RGS5: variants seen among roughly 807,000 people sequenced by gnomAD.
RGS5 encodes regulator of G protein signaling 5.
A neutral mutation model predicts 18.9 loss-of-function variants in RGS5; 20 were observed. The ratio of observed to expected loss-of-function variants is 1.06; its 90% CI spans 0.74 to 1.54. The LOEUF (loss-of-function observed/expected upper bound fraction) is 1.54. RGS5 is among the 40% of genes most tolerant of loss of function. The probability of loss-of-function intolerance (pLI) is 0.00; values close to 1 mark genes in which losing one functional copy is unlikely to be tolerated. For synonymous variants in RGS5, 57 were observed against 76.2 expected, an observed-to-expected ratio of 0.75 and a Z score of 1.31; for missense variants, 201 against 211.8, an observed-to-expected ratio of 0.95 and a Z score of 0.32.
intron 1 of RGS5, among the ~76,000 whole-genome samples, chr1:163,168,701 C>T (rs1658166960): frequency 6.6e-6 from 1 of 152,020 alleles, no homozygotes; most frequent in Non-Finnish European, 1.5e-5. Flanking sequence ...GTTTAAATAA[C>T]TTAAGATAAC....
chr1:163,265,168 AC>A (rs1169279912), intron 2 of RGS5, among the ~76,000 whole-genome samples: 1 of 152,034 alleles, frequency 6.6e-6, no homozygotes, highest in Non-Finnish European at 1.5e-5. Flanking sequence ...CACTTTGTAA[AC>A]TCTTCAGTGT....
rs760582077 is a variant in RGS5 at position 163,313,197 on chromosome 1, G to A, written c.-377-6868C>T. On this transcript the variant is annotated intron_variant, in intron 1 of 5. Transcript: ENST00000618415. ...TCTAAAGAAATAATGTCAAAATTAT[G>A]TTATTATAAATTCCTCATGCAGAAA... is the stretch of plus-strand genomic sequence containing the variant. 3.6e-4 allele frequency among the ~76,000 whole-genome samples: 54 copies of A among 152,080 alleles called. 1 individual carries two copies. Among genetic ancestry groups the A allele is most frequent in the Non-Finnish European group, 6.6e-4 (45 of 68,010 alleles).
rs146319491 is a variant in RGS5 at position 163,200,114 on chromosome 1, C to T, written c.44+2678G>A. On this transcript the variant is annotated intron_variant, in intron 1 of 4. Transcript: ENST00000313961. ...AGAGAACAATGAATCCAACTTTTAC[C>T]TATTAAATTAGCAAATAGAGTCCTG... 2.0e-5 allele frequency among the ~76,000 whole-genome samples: 3 copies of T among 152,188 alleles called. No homozygotes were observed. The East Asian group carries it at 5.8e-4, about 29-fold the overall frequency.
rs530187263 is a variant in RGS5, at chr1:163,262,593, T to C, written c.-281+43640A>G. Among the ~76,000 whole-genome samples the C allele has an allele frequency of 1.2e-3, 124 of 107,320 alleles. 1 individual carries two copies. Among genetic ancestry groups the C allele is most frequent in the Middle Eastern group, 7.8e-3 (2 of 258 alleles). The allele number at this position is 107,320 out of a possible 152,430, so 70.4% of individuals were successfully genotyped here. A position where few individuals can be genotyped will look rare whatever the true frequency, so the allele number is the denominator to read the frequency against. On this transcript the variant is annotated intron_variant, in intron 2 of 5. Transcript: ENST00000618415. Reference sequence around the variant, plus strand: ...TTGGGTTGGTTCCAAGTCTTTGCTATTGTGAATAGTGCCGCAATAAACATA... The same window carrying C: ...TTGGGTTGGTTCCAAGTCTTTGCTACTGTGAATAGTGCCGCAATAAACATA...
At chr1:163,275,457 C>A (rs1043588174) in intron 2 of RGS5, among the ~76,000 whole-genome samples, 14 of 152,186 alleles carry the variant, frequency 9.2e-5, no homozygotes, top group African/African-American at 3.1e-4. Context: ...ATGAGATCAA[C>A]ACTTTAAATG....
intron 1 of RGS5, among the ~76,000 whole-genome samples, chr1:163,179,284 C>A (rs1257437312): frequency 2.0e-5 from 3 of 152,212 alleles, no homozygotes; most frequent in Admixed American, 1.3e-4. Context: ...TTAAACCTTA[C>A]CTTGCCTTAG....
rs1246216582 is a variant in RGS5, at chr1:163,143,046, T to C, written c.*4296A>G. 4.6e-5 allele frequency: 7 copies of C among 152,230 alleles called. No homozygotes were observed. The highest frequency in any genetic ancestry group is 1.0e-4 in the Non-Finnish European group (7 of 68,032). The allele number at this position is 152,230 out of a possible 1,614,324, so 9.4% of individuals were successfully genotyped here. ...TTTCCATTCAAAGCCAGGAGTCTTT[T>C]CTCAGTTGGAAGAGTTGATCTTTTT... On this transcript the variant is annotated 3_prime_UTR_variant, in exon 5 of 5. Coordinates refer to ENST00000313961, the MANE Select transcript of RGS5 (RefSeq NM_003617.4).
chr1:163,310,403 T>G (rs1649822401), intron 1 of RGS5, among the ~76,000 whole-genome samples: 1 of 150,514 alleles, frequency 6.6e-6, no homozygotes, highest in African/African-American at 2.5e-5. Context: ...TGAAACCCCA[T>G]CTCTACTAAA....
chr1:163,177,193 A>C (rs949613788), intron 1 of RGS5, among the ~76,000 whole-genome samples: 1 of 152,212 alleles, frequency 6.6e-6, no homozygotes, highest in African/African-American at 2.4e-5. Flanking sequence ...GGTTTTGAAA[A>C]TGTAATTCAC....
chr1:163,161,434 G>A (rs1022866728), intron 3 of RGS5, among the ~76,000 whole-genome samples: 3 of 152,166 alleles, frequency 2.0e-5, no homozygotes, highest in African/African-American at 4.8e-5. Context: ...AAGAGGAAAC[G>A]GAGGCTGGGG....
chr1:163,308,975 CAT>C (rs770172514), intron 1 of RGS5, among the ~76,000 whole-genome samples: 2 of 152,212 alleles, frequency 1.3e-5, no homozygotes, highest in Middle Eastern at 3.2e-3. Context: ...TGCTAATGCT[CAT>C]ATGAGTCTTT....
intron 1 of RGS5, among the ~76,000 whole-genome samples, chr1:163,177,691 C>T (rs11587203): frequency 0.11 from 16,857 of 152,164 alleles, 1,274 homozygotes; most frequent in South Asian, 0.18. Context: ...CACCCCTCTC[C>T]ACGGCAAACA....
chr1:163,305,603 C>T (rs1038868119), intron 2 of RGS5, among the ~76,000 whole-genome samples: 1 of 152,204 alleles, frequency 6.6e-6, no homozygotes, highest in Non-Finnish European at 1.5e-5. Context: ...TTAATAAGTA[C>T]TTTCCCCCAT....
At chr1:163,181,985 T>C (rs901500970) in intron 1 of RGS5, among the ~76,000 whole-genome samples, 1 of 152,190 alleles carries the variant, frequency 6.6e-6, no homozygotes, top group Non-Finnish European at 1.5e-5. Context: ...TATGTTGCGA[T>C]GCTAAATAAG....
At chr1:163,279,893 T>C (rs1217307155) in intron 2 of RGS5, among the ~76,000 whole-genome samples, 2 of 151,468 alleles carry the variant, frequency 1.3e-5, no homozygotes, top group Admixed American at 6.6e-5. Flanking sequence ...CACCAACAAA[T>C]AAGAAAACCT....
intron 1 of RGS5, among the ~76,000 whole-genome samples, chr1:163,308,046 T>A (rs973980778): frequency 2.0e-5 from 3 of 152,206 alleles, no homozygotes; most frequent in Admixed American, 6.5e-5. Context: ...AGTGTGAGTT[T>A]AAAGTTCCTA....
At chr1:163,164,030 C>G (rs1657926014) in intron 2 of RGS5, among the ~76,000 whole-genome samples, 1 of 152,098 alleles carries the variant, frequency 6.6e-6, no homozygotes, top group Non-Finnish European at 1.5e-5. Flanking sequence ...ACATCACAGC[C>G]AAGATTAAAT....
At chr1:163,150,159 T>C (rs1467668549) in intron 4 of RGS5, among the ~76,000 whole-genome samples, 2 of 152,216 alleles carry the variant, frequency 1.3e-5, no homozygotes, top group African/African-American at 4.8e-5. Context: ...TATACTATTG[T>C]ACTCTTGCAT....
At chr1:163,220,352 C>G (rs1647205435), upstream of RGS5, among the ~76,000 whole-genome samples, 8 of 152,170 alleles carry the variant, frequency 5.3e-5, no homozygotes, top group Admixed American at 5.2e-4. Flanking sequence ...ATATAACACT[C>G]ATCCAATCCA....
Sources: gnomAD v4.1 joint callset for allele counts (sites outside exome capture counted in the v4.1 genomes callset) on GRCh38, gnomAD v4.1.1 for gene constraint, MANE v1.5 for transcripts, NCBI Gene and HGNC (gene_info 2026-07-23, HGNC 2026-07-21) for gene names.